The following ZNRF3 variants were observed in gnomAD, a reference collection of about 807,000 sequenced individuals.
ZNRF3 encodes the protein zinc and ring finger 3, also known as E3 ubiquitin-protein ligase ZNRF3.
ZNRF3 carries 23 observed loss-of-function variants against 72.5 expected under a neutral mutation model. That is an observed-to-expected ratio of 0.32 (90% CI 0.23 to 0.45). The LOEUF (loss-of-function observed/expected upper bound fraction) is 0.45. Among genes scored for constraint, ZNRF3 ranks in the 20% least tolerant of loss-of-function variants. The probability of loss-of-function intolerance (pLI) is 1.00; values close to 1 mark genes in which losing one functional copy is unlikely to be tolerated. For synonymous variants in ZNRF3, 610 were observed against 545.3 expected (o/e 1.12, Z -1.65); for missense variants, 1,169 against 1,272.1 (o/e 0.92, Z 1.23).
intron 1 of ZNRF3, among the ~76,000 whole-genome samples, chr22:28,980,316 C>T (rs2035743621): frequency 6.6e-6 from 1 of 152,164 alleles, no homozygotes; most frequent in Non-Finnish European, 1.5e-5. Context: ...GCCCAGATTT[C>T]CCCACTAAAC....
chr22:28,988,437 C>T (rs1048759310), intron 2 of ZNRF3, among the ~76,000 whole-genome samples: 11 of 152,154 alleles, frequency 7.2e-5, no homozygotes, highest in African/African-American at 2.4e-4. Context: ...CCTCACAGGT[C>T]TAATCTTTTT....
chr22:29,001,114 G>A (rs1402195038), intron 2 of ZNRF3, among the ~76,000 whole-genome samples: 1 of 134,580 alleles, frequency 7.4e-6, no homozygotes, highest in Non-Finnish European at 1.5e-5. Flanking sequence ...TGTTGCCCAG[G>A]CTGGAGTGCA....
chr22:28,911,495 A>G (rs1569242877), intron 1 of ZNRF3, among the ~76,000 whole-genome samples: 1 of 152,234 alleles, frequency 6.6e-6, no homozygotes, highest in Non-Finnish European at 1.5e-5. Context: ...TCTGGAATGT[A>G]AGGGAGTAAG....
intron 4 of ZNRF3, among the ~76,000 whole-genome samples, chr22:29,043,833 T>C (rs966610411): frequency 6.6e-6 from 1 of 152,238 alleles, no homozygotes; most frequent in Non-Finnish European, 1.5e-5. Flanking sequence ...AAAAGGCTTG[T>C]ATTTCCTTCT....
intron 1 of ZNRF3, among the ~76,000 whole-genome samples, chr22:28,920,768 T>TG (rs2034498195): frequency 6.6e-6 from 1 of 152,244 alleles, no homozygotes; most frequent in Admixed American, 6.5e-5. Flanking sequence ...GGTCTTGGTG[T>TG]CAGGGATTGA....
chr22:29,025,554 CTCTT>C (rs1394015146), intron 2 of ZNRF3: 11 of 145,694 alleles, frequency 7.6e-5, no homozygotes, highest in East Asian at 4.2e-4. Flanking sequence ...AGTTCCATTT[CTCTT>C]TCTTTCTTTT....
chr22:29,029,806 C>A (rs2036712010), intron 2 of ZNRF3, among the ~76,000 whole-genome samples: 1 of 152,200 alleles, frequency 6.6e-6, no homozygotes, highest in Admixed American at 6.5e-5. Context: ...AGCCTGCCCG[C>A]CGCCTCTCAT....
At chr22:28,894,576 G>C (rs140905503) in intron 1 of ZNRF3, among the ~76,000 whole-genome samples, 1 of 152,298 alleles carries the variant, frequency 6.6e-6, no homozygotes, top group East Asian at 1.9e-4. Flanking sequence ...TGTGGCAGCA[G>C]ATTGTTGCCC....
At chr22:28,913,415 A>C (rs1048774490) in intron 1 of ZNRF3, among the ~76,000 whole-genome samples, 10 of 152,230 alleles carry the variant, frequency 6.6e-5, no homozygotes, top group African/African-American at 2.4e-4. Context: ...GGGGATATGG[A>C]GTGGCGGGTA....
In ZNRF3 at chr22:28,884,076, C is replaced by A. The variant is rs1283066006; in HGVS notation, c.300+10C>A. 2.5e-6 allele frequency: 3 copies of A among 1,212,724 alleles called. No individual in the cohort carries two copies. Among genetic ancestry groups the A allele is most frequent in the South Asian group, 1.8e-5 (1 of 56,990 alleles). The allele number at this position is 1,212,724 out of a possible 1,614,324, so 75.1% of individuals were successfully genotyped here. On this transcript the variant is annotated intron_variant, in intron 1 of 8. Transcript: ENST00000544604. ...GGGCGAGATCGTGCAGGTAGCTGCC[C>A]GCCGCCCGGGCCCCGCGCCGCCTCC...
Position 28,959,133 on chromosome 22 carries a change from A to G in ZNRF3, c.301-27943A>G, listed in dbSNP as rs182599577. Among the ~76,000 whole-genome samples, 222 of 152,362 alleles carry G rather than the reference A, an allele frequency of 1.5e-3. 4 individuals are homozygous for G. The highest frequency in any genetic ancestry group is 4.9e-4 in the Non-Finnish European group (33 of 68,032). ...TGTTGCAAAGCTAGAGCTCAGAAAC[A>G]AGAAAGTACAAGGCCATTTTTCTTG... On this transcript the variant is annotated intron_variant, in intron 1 of 8. Coordinates refer to ENST00000544604, the MANE Select transcript of ZNRF3 (RefSeq NM_001206998.2).
intron 1 of ZNRF3, among the ~76,000 whole-genome samples, chr22:28,919,452 T>C (rs2034469733): frequency 6.6e-6 from 1 of 152,084 alleles, no homozygotes; most frequent in South Asian, 2.1e-4. Flanking sequence ...AAAGGGAGGC[T>C]GGAAAAAGTG....
At chr22:28,920,534 G>T (rs985460255) in intron 1 of ZNRF3, among the ~76,000 whole-genome samples, 1 of 152,196 alleles carries the variant, frequency 6.6e-6, no homozygotes, top group Admixed American at 6.5e-5. Flanking sequence ...GCCTCCCAGA[G>T]TACTGGGATT....
In ZNRF3 at chr22:29,049,406, T is replaced by A. The variant is rs769697204; in HGVS notation, c.1225T>A (p.Ser409Thr). ...CCGGCACGGGGAGCAGAGCCTCTAT[T>A]CCCCGCAGACCCCCGCCTACATCCG... Reference protein sequence around the residue: ...MDRHGEQSLYSPQTPAYIRSY... With the variant: ...MDRHGEQSLYTPQTPAYIRSY... Residue 409 changes from serine (S) to threonine (T), a missense_variant, in exon 8 of 9, where the codon TCC becomes ACC. This residue lies in a region of ZNRF3 where 783 missense variants were observed against 731.4 expected (regional missense o/e 1.07). Transcript: ENST00000544604. The surrounding 1 kb of genome is among the most constrained non-coding windows in gnomAD (Gnocchi z 5.2). The A allele has an allele frequency of 1.7e-5, 27 of 1,609,608 alleles. 2 individuals are homozygous for A. Among genetic ancestry groups the A allele is most frequent in the Non-Finnish European group, 1.9e-5 (23 of 1,179,568 alleles).
chr22:28,961,331 T>C (rs1168098565), intron 1 of ZNRF3, among the ~76,000 whole-genome samples: 1 of 152,222 alleles, frequency 6.6e-6, no homozygotes, highest in African/African-American at 2.4e-5. Context: ...AGCACATGCA[T>C]TATCTCATTT....
At chr22:28,905,404 A>G (rs1232034059) in intron 1 of ZNRF3, among the ~76,000 whole-genome samples, 2 of 152,222 alleles carry the variant, frequency 1.3e-5, no homozygotes, top group Non-Finnish European at 1.5e-5. Context: ...TGATCATTTC[A>G]GGCTTGCTCT....
At chr22:28,945,303 C>T (rs569022038) in intron 1 of ZNRF3, among the ~76,000 whole-genome samples, 32 of 152,254 alleles carry the variant, frequency 2.1e-4, no homozygotes, top group African/African-American at 7.2e-4. Flanking sequence ...GAGTACTGTG[C>T]AGACATCTAG....
rs1035019258 is a variant in ZNRF3 at position 29,030,303 on chromosome 22, C to A, written c.427-12192C>A. 2.0e-5 allele frequency among the ~76,000 whole-genome samples: 3 copies of A among 152,196 alleles called. No homozygotes were observed. Among genetic ancestry groups the A allele is most frequent in the African/African-American group, 7.2e-5 (3 of 41,436 alleles). On this transcript the variant is annotated intron_variant, in intron 2 of 8. Transcript: ENST00000544604. This position sits in a 1 kb window ranked among gnomAD's most constrained non-coding sequence, Gnocchi z 4.2. The stretch of plus-strand genomic sequence containing the variant: ...TTCTGATTGTGAAAAGGGTACCAAC[C>A]TGTGCAATGGCGCCGCGACCCGGCC...
chr22:29,051,598 T>G (rs139427906), intron 8 of ZNRF3, among the ~76,000 whole-genome samples: 2,080 of 135,286 alleles, frequency 0.015, 65 homozygotes, highest in African/African-American at 0.057. Flanking sequence ...AGCGAGACTC[T>G]GTCTTAAAAA....
Sources: gnomAD v4.1 joint callset for allele counts (sites outside exome capture counted in the v4.1 genomes callset) on GRCh38, gnomAD v4.1.1 for gene constraint, gnomAD v4.1.1 regional missense constraint, Gnocchi (gnomAD v3.1) non-coding constraint, MANE v1.5 for transcripts, NCBI Gene and HGNC (gene_info 2026-07-23, HGNC 2026-07-21) for gene names.